MSI2: variants seen among roughly 807,000 people sequenced by gnomAD.
The protein encoded by MSI2 is RNA-binding protein Musashi homolog 2.
In MSI2, 17 loss-of-function variants were observed where a neutral mutation model predicts 45.6. The observed-to-expected ratio is 0.37, with a 90% CI of 0.26 to 0.56. The LOEUF is 0.56. Ranked by LOEUF, MSI2 falls within the 20% of genes least tolerant of loss-of-function variation. MSI2 has a pLI of 0.77. For missense variants in MSI2, 293 were observed against 444.2 expected (o/e 0.66, Z 3.06); for synonymous variants, 156 against 158.2 (o/e 0.99, Z 0.11).
At chr17:57,399,128 G>A (rs942324969) in intron 5 of MSI2, among the ~76,000 whole-genome samples, 2 of 152,246 alleles carry the variant, frequency 1.3e-5, no homozygotes, top group Non-Finnish European at 2.9e-5. Flanking sequence ...TGGGTGAGAA[G>A]GGAGATGGAC....
chr17:57,444,301 C>T lies in MSI2; in HGVS notation c.405+42830C>T, dbSNP rs948225188. Among the ~76,000 whole-genome samples, 3 of 152,072 alleles carry T rather than the reference C, an allele frequency of 2.0e-5. No homozygotes were observed. The South Asian group carries it at 6.2e-4, about 32-fold the overall frequency. On this transcript the variant is annotated intron_variant, in intron 6 of 13. Coordinates refer to ENST00000284073, the MANE Select transcript of MSI2 (RefSeq NM_138962.4). ...CTAGTTTACAGGCAAGAACACAGCACGGGCCAGGCACAGTAGCTCACGCCT... is the reference window on the plus strand; with the variant it reads ...CTAGTTTACAGGCAAGAACACAGCATGGGCCAGGCACAGTAGCTCACGCCT...
At chr17:57,350,090 T>C (rs1915894464) in intron 5 of MSI2, among the ~76,000 whole-genome samples, 1 of 152,182 alleles carries the variant, frequency 6.6e-6, no homozygotes, top group South Asian at 2.1e-4. Context: ...AACCACTTTA[T>C]ATTAAGTAAC....
At chr17:57,690,525 G>A in the MSI2 span, among the ~76,000 whole-genome samples, 2 of 152,084 alleles carry the variant, frequency 1.3e-5, no homozygotes, top group Non-Finnish European at 2.9e-5. Context: ...AGGCTGAGGT[G>A]GGAGGATAAC....
At chr17:57,634,395 G>A (rs1015279344) in intron 10 of MSI2, among the ~76,000 whole-genome samples, 1 of 152,154 alleles carries the variant, frequency 6.6e-6, no homozygotes, top group African/African-American at 2.4e-5. Flanking sequence ...GAGCCTGGGA[G>A]GCGGAGGTTG....
chr17:57,295,070 C>T (rs770449318), intron 5 of MSI2, among the ~76,000 whole-genome samples: 1 of 151,942 alleles, frequency 6.6e-6, no homozygotes, highest in Non-Finnish European at 1.5e-5. Flanking sequence ...TTGGCTTGGG[C>T]CTTGAAGAGT....
intron 7 of MSI2, among the ~76,000 whole-genome samples, chr17:57,554,174 G>A (rs555150603): frequency 4.1e-5 from 6 of 145,974 alleles, no homozygotes; most frequent in Admixed American, 1.4e-4. Flanking sequence ...GGCAACAGGC[G>A]AAACAAGAAC....
At chr17:57,649,256 A>T (rs1910936175) in intron 10 of MSI2, among the ~76,000 whole-genome samples, 1 of 152,082 alleles carries the variant, frequency 6.6e-6, no homozygotes, top group Non-Finnish European at 1.5e-5. Flanking sequence ...ACACATCCAC[A>T]TACACCCAAC....
intron 5 of MSI2, among the ~76,000 whole-genome samples, chr17:57,296,285 T>C (rs755314249): frequency 2.6e-4 from 39 of 152,194 alleles, no homozygotes; most frequent in Admixed American, 5.2e-4. Flanking sequence ...TTTGTTAGGC[T>C]CCTCTCTTGA....
chr17:57,496,871 A>G (rs763862288), intron 6 of MSI2, among the ~76,000 whole-genome samples: 18 of 152,180 alleles, frequency 1.2e-4, no homozygotes, highest in Non-Finnish European at 2.1e-4. Context: ...CTAGGTGTAC[A>G]ATTACAACTT....
At chr17:57,546,879 A>G (rs1283914005) in intron 7 of MSI2, among the ~76,000 whole-genome samples, 1 of 152,214 alleles carries the variant, frequency 6.6e-6, no homozygotes, top group African/African-American at 2.4e-5. Flanking sequence ...TTCTGGCAGT[A>G]CTGCAGGGAA....
chr17:57,577,408 G>T (rs1037048866), intron 7 of MSI2, among the ~76,000 whole-genome samples: 2 of 152,154 alleles, frequency 1.3e-5, no homozygotes, highest in Non-Finnish European at 2.9e-5. Context: ...AGTCCAGCCT[G>T]GTCCAAACCG....
the MSI2 span, among the ~76,000 whole-genome samples, chr17:57,699,064 T>C: frequency 1.7e-5 from 2 of 117,780 alleles, no homozygotes; most frequent in African/African-American, 7.8e-5. Context: ...TGTGTGTGTG[T>C]GTGTGTGTGT....
intron 6 of MSI2, among the ~76,000 whole-genome samples, chr17:57,461,011 G>C (rs2085216625): frequency 6.6e-6 from 1 of 152,186 alleles, no homozygotes. Context: ...AGGTGCTTTG[G>C]TGGAAAGTTA....
At chr17:57,654,171 G>A (rs1482185654) in intron 11 of MSI2, among the ~76,000 whole-genome samples, 3 of 152,232 alleles carry the variant, frequency 2.0e-5, no homozygotes, top group Non-Finnish European at 4.4e-5. Context: ...CAGCCTGGAA[G>A]CTACAGGGCA....
chr17:57,312,692 C>G (rs1912497641), intron 5 of MSI2, among the ~76,000 whole-genome samples: 1 of 152,156 alleles, frequency 6.6e-6, no homozygotes, highest in South Asian at 2.1e-4. Context: ...TTTAACTTGA[C>G]TCCCTCCTCT....
intron 11 of MSI2, among the ~76,000 whole-genome samples, chr17:57,658,506 C>T (rs757702811): frequency 4.6e-5 from 7 of 152,190 alleles, no homozygotes; most frequent in Non-Finnish European, 8.8e-5. Context: ...GACAGCTGCC[C>T]GCTGCTGACC....
chr17:57,482,084 C>T (rs1430305123), intron 6 of MSI2, among the ~76,000 whole-genome samples: 3 of 152,228 alleles, frequency 2.0e-5, no homozygotes, highest in Non-Finnish European at 4.4e-5. Context: ...TACGTACAAC[C>T]TTCGGCCACA....
chr17:57,510,407 T>C (rs2086327602), intron 6 of MSI2, among the ~76,000 whole-genome samples: 1 of 151,766 alleles, frequency 6.6e-6, no homozygotes, highest in African/African-American at 2.4e-5. Context: ...CTTGTTTTTT[T>C]TTTTGTTTGT....
chr17:57,422,817 A>G, intron 6 of MSI2, among the ~76,000 whole-genome samples: 1 of 152,228 alleles, frequency 6.6e-6, no homozygotes, highest in Non-Finnish European at 1.5e-5. Context: ...GTCAAAGATT[A>G]GGCAACGTAA....
Sources: allele counts gnomAD v4.1 joint callset (sites outside exome capture counted in the v4.1 genomes callset), GRCh38; gene constraint gnomAD v4.1.1; transcripts MANE v1.5; gene names NCBI Gene and HGNC (gene_info 2026-07-23, HGNC 2026-07-21).